The following BMPER variants were observed in gnomAD, a reference collection of about 807,000 sequenced individuals.
BMPER encodes the protein BMP binding endothelial regulator.
In BMPER, 45 loss-of-function variants were observed where a neutral mutation model predicts 87.3. The ratio of observed to expected loss-of-function variants is 0.52; its 90% CI spans 0.41 to 0.66. The LOEUF (loss-of-function observed/expected upper bound fraction) is 0.66. Ranked by LOEUF, BMPER falls within the 30% of genes least tolerant of loss-of-function variation. The pLI is 0.00. For missense variants in BMPER, 784 were observed against 867.5 expected (o/e 0.90, Z 1.21); for synonymous variants, 326 against 316.2 (o/e 1.03, Z -0.33).
intron 6 of BMPER, among the ~76,000 whole-genome samples, chr7:34,000,979 G>C (rs1319559293): frequency 1.3e-5 from 2 of 151,838 alleles, no homozygotes; most frequent in Non-Finnish European, 2.9e-5. Context: ...ATATTAACAT[G>C]ATGCTTTATA....
chr7:33,954,650 A>G (rs1785107789), intron 3 of BMPER, among the ~76,000 whole-genome samples: 1 of 152,202 alleles, frequency 6.6e-6, no homozygotes, highest in Admixed American at 6.6e-5. Flanking sequence ...TTAAAAGTAT[A>G]AGCCTTTGTT....
chr7:34,141,689 C>T (rs1414520949), intron 13 of BMPER, among the ~76,000 whole-genome samples: 2 of 150,190 alleles, frequency 1.3e-5, no homozygotes, highest in Non-Finnish European at 3.0e-5. Flanking sequence ...TGCTGGTTAT[C>T]GTGTCTTAGG....
intron 3 of BMPER, among the ~76,000 whole-genome samples, chr7:33,960,871 G>C (rs1213978437): frequency 6.6e-6 from 1 of 152,170 alleles, no homozygotes; most frequent in Non-Finnish European, 1.5e-5. Context: ...CATTTATCAA[G>C]TGCTTCCCAC....
chr7:34,080,105 C>CT (rs1351208522), intron 12 of BMPER, among the ~76,000 whole-genome samples: 3 of 152,158 alleles, frequency 2.0e-5, no homozygotes, highest in Non-Finnish European at 2.9e-5. Context: ...TTGGCATACT[C>CT]TATTTTTTTA....
intron 13 of BMPER, among the ~76,000 whole-genome samples, chr7:34,103,289 T>C (rs1789731130): frequency 6.6e-6 from 1 of 152,192 alleles, no homozygotes; most frequent in South Asian, 2.1e-4. Context: ...AAAGCTAGTG[T>C]TGGGCTCTAA....
intron 3 of BMPER, among the ~76,000 whole-genome samples, chr7:33,952,268 T>A (rs1050745212): frequency 1.3e-5 from 2 of 152,224 alleles, no homozygotes; most frequent in Non-Finnish European, 2.9e-5. Context: ...CTGCGTCTGC[T>A]TATAGCATAC....
At chr7:34,007,990 T>A (rs1786781372) in intron 6 of BMPER, among the ~76,000 whole-genome samples, 2 of 152,012 alleles carry the variant, frequency 1.3e-5, no homozygotes, top group Admixed American at 1.3e-4. Flanking sequence ...TTCTTGTCAG[T>A]TTTAATGGTG....
chr7:34,098,284 T>C (rs1162786624), intron 13 of BMPER, among the ~76,000 whole-genome samples: 2 of 152,102 alleles, frequency 1.3e-5, no homozygotes, highest in Non-Finnish European at 2.9e-5. Flanking sequence ...AGTATTCCTG[T>C]GCAGAGCTGC....
rs1785414324 is a variant in BMPER, at chr7:33,966,643, A to G, written c.402+82A>G. ...TCACCCCTTCACACAACATAGAACAAAACCCTAAAAAGGCCAAACAGAAAT... is the reference window on the plus strand; with the variant it reads ...TCACCCCTTCACACAACATAGAACAGAACCCTAAAAAGGCCAAACAGAAAT... On this transcript the variant is annotated intron_variant, in intron 4 of 14. Coordinates refer to ENST00000649409, the MANE Select transcript of BMPER (RefSeq NM_001365308.1). The G allele has an allele frequency of 5.8e-6, 8 of 1,379,800 alleles. No individual in the cohort carries two copies. In the Middle Eastern group the frequency reaches 5.4e-4, roughly 93 times the overall value. The allele number at this position is 1,379,800 out of a possible 1,614,324, so 85.5% of individuals were successfully genotyped here.
chr7:34,023,841 G>A (rs974434437), intron 6 of BMPER, among the ~76,000 whole-genome samples: 1 of 151,788 alleles, frequency 6.6e-6, no homozygotes, highest in Non-Finnish European at 1.5e-5. Context: ...TTATTAAGAG[G>A]GAAGTTTCTT....
intron 6 of BMPER, among the ~76,000 whole-genome samples, chr7:34,001,692 TTCA>T (rs1253126473): frequency 2.0e-5 from 3 of 151,774 alleles, no homozygotes; most frequent in Non-Finnish European, 4.4e-5. Flanking sequence ...CATTCTAGTC[TTCA>T]TCATTTTCTT....
chr7:33,961,867 A>G (rs188887602), intron 3 of BMPER, among the ~76,000 whole-genome samples: 113 of 152,294 alleles, frequency 7.4e-4, no homozygotes, highest in Middle Eastern at 3.4e-3. Flanking sequence ...ATGAAGGGAA[A>G]GAACTGGAAA....
chr7:34,017,576 A>G (rs1787062288), intron 6 of BMPER, among the ~76,000 whole-genome samples: 2 of 151,936 alleles, frequency 1.3e-5, no homozygotes, highest in African/African-American at 2.4e-5. Context: ...ACAGTTCAAG[A>G]TGAGATTTGG....
intron 6 of BMPER, among the ~76,000 whole-genome samples, chr7:34,040,659 T>C (rs909637401): frequency 2.0e-5 from 3 of 152,156 alleles, no homozygotes; most frequent in African/African-American, 7.2e-5. Context: ...TTCAAAAGCA[T>C]GTTCTTTCAA....
intron 11 of BMPER, among the ~76,000 whole-genome samples, chr7:34,066,490 T>G (rs1788595899): frequency 6.6e-6 from 1 of 152,224 alleles, no homozygotes. Context: ...TACACAAACT[T>G]CATAAAGCTT....
chr7:33,974,290 T>C (rs928093222), intron 5 of BMPER, among the ~76,000 whole-genome samples: 1 of 152,112 alleles, frequency 6.6e-6, no homozygotes, highest in Non-Finnish European at 1.5e-5. Context: ...TAGGTACTCA[T>C]TGAATGGGGC....
In BMPER at chr7:34,093,113, G is replaced by C. The variant is rs565293480; in HGVS notation, c.1745+7021G>C. Among the ~76,000 whole-genome samples the C allele has an allele frequency of 3.9e-5, 6 of 152,212 alleles. No homozygotes were observed. The South Asian group carries it at 1.0e-3, about 26-fold the overall frequency. ...AGGAACTCAAGTGGTAATACTCATG[G>C]GTGTGATTTATATTATAGGAAAAGG... On this transcript the variant is annotated intron_variant, in intron 13 of 14. Coordinates refer to ENST00000649409, the MANE Select transcript of BMPER (RefSeq NM_001365308.1).
intron 13 of BMPER, among the ~76,000 whole-genome samples, chr7:34,113,630 T>A (rs574113671): frequency 1.3e-5 from 2 of 151,876 alleles, no homozygotes; most frequent in African/African-American, 4.8e-5. Context: ...TTAATAATAA[T>A]AAGTTTAAAA....
At chr7:34,109,301 G>T (rs959314041) in intron 13 of BMPER, among the ~76,000 whole-genome samples, 1 of 152,200 alleles carries the variant, frequency 6.6e-6, no homozygotes, top group Non-Finnish European at 1.5e-5. Context: ...TTACTCAGGG[G>T]AGGGTCAGCT....
Sources: gnomAD v4.1 joint callset for allele counts (sites outside exome capture counted in the v4.1 genomes callset) on GRCh38, gnomAD v4.1.1 for gene constraint, MANE v1.5 for transcripts, NCBI Gene and HGNC (gene_info 2026-07-23, HGNC 2026-07-21) for gene names.